Variants in SORCS1 observed in about 807,000 individuals in gnomAD.
The protein encoded by SORCS1 is VPS10 domain-containing receptor SorCS1.
In SORCS1, 60 loss-of-function variants were observed where a neutral mutation model predicts 146.1. That is an observed-to-expected ratio of 0.41 (90% confidence interval 0.33 to 0.51). The LOEUF (loss-of-function observed/expected upper bound fraction) is 0.51, where lower values mean the gene tolerates loss of function less well. Among genes scored for constraint, SORCS1 ranks in the 20% least tolerant of loss-of-function variants. The pLI is 0.21. For missense variants in SORCS1, 1,352 were observed against 1,487.6 expected, an observed-to-expected ratio of 0.91 and a Z score of 1.50; for synonymous variants, 637 against 584.0, an observed-to-expected ratio of 1.09 and a Z score of -1.31.
chr10:106,620,616 T>A (rs1372256752), intron 19 of SORCS1, 55 bp from the exon 20 acceptor site: 34 of 1,588,150 alleles, frequency 2.1e-5, no homozygotes, highest in Admixed American at 5.2e-5. Context: ...CTCTGCTCTG[T>A]CCTCCCTGCT....
chr10:106,937,545 G>T (rs1953801972), intron 2 of SORCS1, among the ~76,000 whole-genome samples: 1 of 152,100 alleles, frequency 6.6e-6, no homozygotes, highest in Non-Finnish European at 1.5e-5. Flanking sequence ...TATAAGACAT[G>T]CCTTTGCTCC....
chr10:106,804,637 T>C (rs999988219), intron 3 of SORCS1, among the ~76,000 whole-genome samples: 2 of 152,072 alleles, frequency 1.3e-5, no homozygotes, highest in Non-Finnish European at 2.9e-5. Flanking sequence ...AAGACGAGAA[T>C]GTAATCTAAT....
intron 1 of SORCS1, among the ~76,000 whole-genome samples, chr10:107,039,924 A>G (rs1487794199): frequency 6.6e-6 from 1 of 152,186 alleles, no homozygotes; most frequent in Non-Finnish European, 1.5e-5. Flanking sequence ...AATCTGGACA[A>G]CATAGTGAGG....
chr10:107,135,172 T>C (rs1967179017), intron 1 of SORCS1, among the ~76,000 whole-genome samples: 2 of 152,222 alleles, frequency 1.3e-5, no homozygotes, highest in South Asian at 2.1e-4. Flanking sequence ...GGTAAGATCA[T>C]TAGTTTCTTT....
At chr10:106,872,080 T>C (rs1950428570) in intron 2 of SORCS1, among the ~76,000 whole-genome samples, 2 of 152,144 alleles carry the variant, frequency 1.3e-5, no homozygotes, top group African/African-American at 4.8e-5. Flanking sequence ...AAATAGAGTA[T>C]GAACAATAAA....
At chr10:107,112,969 A>C (rs1344013384) in intron 1 of SORCS1, among the ~76,000 whole-genome samples, 1 of 152,238 alleles carries the variant, frequency 6.6e-6, no homozygotes, top group Non-Finnish European at 1.5e-5. Context: ...AAATTAATAA[A>C]GAAGCAGTAG....
At chr10:106,622,039 C>A (rs1847778655) in intron 19 of SORCS1, among the ~76,000 whole-genome samples, 1 of 152,026 alleles carries the variant, frequency 6.6e-6, no homozygotes, top group Admixed American at 6.6e-5. Context: ...TGCCTGTAAT[C>A]CCGACACTTT....
chr10:106,751,804 T>C (rs1858263949), intron 5 of SORCS1, among the ~76,000 whole-genome samples: 1 of 152,216 alleles, frequency 6.6e-6, no homozygotes, highest in South Asian at 2.1e-4. Context: ...TGTACAAGCA[T>C]GTGTAAATCT....
intron 1 of SORCS1, among the ~76,000 whole-genome samples, chr10:107,102,652 A>G (rs1199916525): frequency 2.0e-5 from 3 of 152,222 alleles, no homozygotes; most frequent in African/African-American, 2.4e-5. Context: ...TTACAAAACC[A>G]GAAGACTCTG....
chr10:107,011,441 C>A (rs1417733318), intron 1 of SORCS1, among the ~76,000 whole-genome samples: 1 of 152,220 alleles, frequency 6.6e-6, no homozygotes. Flanking sequence ...TTCATGCAAA[C>A]CTCAAACAAT....
At chr10:107,143,966 T>C (rs1001298395) in intron 1 of SORCS1, among the ~76,000 whole-genome samples, 35 of 151,996 alleles carry the variant, frequency 2.3e-4, no homozygotes, top group African/African-American at 8.2e-4. Flanking sequence ...AGGCCCTTTT[T>C]TGTAAGATGC....
intron 3 of SORCS1, among the ~76,000 whole-genome samples, chr10:106,803,947 G>A (rs1405827417): frequency 2.6e-5 from 4 of 152,084 alleles, no homozygotes; most frequent in African/African-American, 9.7e-5. Context: ...AGTGACACAC[G>A]ACCATTTAAC....
At chr10:107,065,406 C>G (rs570540383) in intron 1 of SORCS1, among the ~76,000 whole-genome samples, 17 of 139,186 alleles carry the variant, frequency 1.2e-4, no homozygotes, top group African/African-American at 4.3e-4. Flanking sequence ...CATTTTCTTT[C>G]TCTCTTTCTT....
chr10:106,599,938 T>C (rs1328129483), intron 23 of SORCS1, among the ~76,000 whole-genome samples: 3 of 151,898 alleles, frequency 2.0e-5, no homozygotes, highest in Admixed American at 2.0e-4. Flanking sequence ...CATCCGGCTA[T>C]TTTGTTGTTT....
chr10:106,914,336 C>T (rs1308132831), intron 2 of SORCS1, among the ~76,000 whole-genome samples: 1 of 152,116 alleles, frequency 6.6e-6, no homozygotes, highest in Non-Finnish European at 1.5e-5. Flanking sequence ...AGGTTCATAT[C>T]ATTATCCAAG....
At chr10:106,743,456 G>T (rs2136122567) in intron 5 of SORCS1, among the ~76,000 whole-genome samples, 1 of 152,244 alleles carries the variant, frequency 6.6e-6, no homozygotes, top group South Asian at 2.1e-4. Flanking sequence ...GTCTCATTCT[G>T]CCACCCAGGC....
At chr10:106,844,635 G>C (rs922434611) in intron 2 of SORCS1, among the ~76,000 whole-genome samples, 1 of 148,966 alleles carries the variant, frequency 6.7e-6, no homozygotes, top group Admixed American at 6.7e-5. Flanking sequence ...CATTGTGCAG[G>C]TTAGTTACAT....
chr10:107,161,054 G>A (rs567336236), intron 1 of SORCS1, among the ~76,000 whole-genome samples: 5 of 152,162 alleles, frequency 3.3e-5, no homozygotes, highest in East Asian at 3.9e-4. Context: ...TCCATCAATC[G>A]AGACTGCAGT....
chr10:106,850,864 G>C (rs546630496), intron 2 of SORCS1, among the ~76,000 whole-genome samples: 1 of 151,824 alleles, frequency 6.6e-6, no homozygotes, highest in Non-Finnish European at 1.5e-5. Context: ...CCACACACAC[G>C]CCCTACGGCC....
Sources: gnomAD v4.1 joint callset for allele counts (sites outside exome capture counted in the v4.1 genomes callset) on GRCh38, gnomAD v4.1.1 for gene constraint, MANE v1.5 for transcripts, NCBI Gene and HGNC (gene_info 2026-07-23, HGNC 2026-07-21) for gene names.